GSE1: variants seen among roughly 807,000 people sequenced by gnomAD.
GSE1 encodes genetic suppressor element 1.
Under a neutral mutation model 112.6 loss-of-function variants are expected in GSE1, and 32 were observed. The ratio of observed to expected loss-of-function variants is 0.28; its 90% CI spans 0.21 to 0.38. The LOEUF is 0.38. Ranked by LOEUF, GSE1 falls within the 10% of genes least tolerant of loss-of-function variation. The probability of loss-of-function intolerance (pLI) is 1.00; values close to 1 mark genes in which losing one functional copy is unlikely to be tolerated. For synonymous variants in GSE1, 1,115 were observed against 735.6 expected (o/e 1.52, Z -8.35); for missense variants, 2,348 against 1,699.2 (o/e 1.38, Z -6.71).
At chr16:85,364,659 C>T (rs1306617918) in intron 2 of GSE1, among the ~76,000 whole-genome samples, 2 of 152,098 alleles carry the variant, frequency 1.3e-5, no homozygotes, top group African/African-American at 2.4e-5. Flanking sequence ...CCAGCGGGCA[C>T]GGGCAACAGA....
chr16:85,606,554 G>T (rs1031109590), upstream of GSE1, among the ~76,000 whole-genome samples: 1 of 152,234 alleles, frequency 6.6e-6, no homozygotes, highest in African/African-American at 2.4e-5. Flanking sequence ...TTGCCACTGA[G>T]TCTGCCCGTC....
upstream of GSE1, chr16:85,555,303 GCCAGAGC>G: frequency 2.0e-6 from 2 of 984,990 alleles, no homozygotes; most frequent in Non-Finnish European, 2.4e-6. Context: ...CTGCCCAGGC[GCCAGAGC>G]CCCCGCGAGT....
At chr16:85,390,925 G>A (rs2047825556) in intron 2 of GSE1, among the ~76,000 whole-genome samples, 1 of 152,236 alleles carries the variant, frequency 6.6e-6, no homozygotes, top group Non-Finnish European at 1.5e-5. Flanking sequence ...TCTGGGCAGG[G>A]CTGAGCAGAG....
rs77309942 is a variant in GSE1 at position 85,203,625 on chromosome 16, T to C, written c.2283+31818T>C. On this transcript the variant is annotated intron_variant, in intron 1 of 2. Transcript: ENST00000637419. ...CAGATAGGCAGCCAAGGCCAAGCAG[T>C]GGGATTTCCTTTGTGCAGCTGCTTT... Among the ~76,000 whole-genome samples the C allele has an allele frequency of 8.1e-3, 1,235 of 152,294 alleles. 16 individuals carry two copies. Among genetic ancestry groups the C allele is most frequent in the African/African-American group, 0.029 (1,197 of 41,564 alleles).
At chr16:85,535,884 C>T (rs2044309431) in intron 2 of GSE1, among the ~76,000 whole-genome samples, 1 of 152,274 alleles carries the variant, frequency 6.6e-6, no homozygotes, top group South Asian at 2.1e-4. Flanking sequence ...CTACCTCTAC[C>T]TCATGTGGTC....
rs60595401 is a variant in GSE1 at position 85,248,521 on chromosome 16, C to CCT, written c.2283+76733_2283+76734dup. Among the ~76,000 whole-genome samples the CCT allele has an allele frequency of 3.0e-3, 453 of 149,130 alleles. 4 individuals are homozygous for CCT. The highest frequency in any genetic ancestry group is 0.023 in the South Asian group (107 of 4,664). On this transcript the variant is annotated intron_variant, in intron 1 of 2. Coordinates refer to the GSE1 transcript ENST00000637419. ...TTCTCTGCCTCTTCCTCCCTCTTTG[C>CCT]CTCTCTCTCTCTCTCTCTCTGAGCA...
intron 1 of GSE1, among the ~76,000 whole-genome samples, chr16:85,569,641 G>A (rs890593795): frequency 1.3e-5 from 2 of 152,198 alleles, no homozygotes; most frequent in South Asian, 2.1e-4. Flanking sequence ...AAGCTCCAGC[G>A]CAGGACCTCC....
chr16:85,244,543 G>T (rs989521858), intron 1 of GSE1, among the ~76,000 whole-genome samples: 4 of 152,146 alleles, frequency 2.6e-5, no homozygotes, highest in African/African-American at 7.2e-5. Flanking sequence ...CACAGGAAAT[G>T]AATGCAACTA....
intron 1 of GSE1, among the ~76,000 whole-genome samples, chr16:85,576,001 C>T (rs868180080): frequency 5.3e-5 from 8 of 150,718 alleles, no homozygotes; most frequent in East Asian, 2.0e-4. Context: ...AGAGCAGTGA[C>T]GGGGGAGTAT....
rs527641917 is a variant in GSE1, at chr16:85,601,883, G to C, written c.37+45520G>C. 1.4e-4 allele frequency among the ~76,000 whole-genome samples: 21 copies of C among 152,334 alleles called. 1 individual carries two copies. The highest frequency in any genetic ancestry group is 4.6e-4 in the African/African-American group (19 of 41,568). ...TCTGTCTGCGTGCATCGCTTGTCGAGCCCGCGAGTGATAAAGGCAACTGGG... is the reference window on the plus strand; with the variant it reads ...TCTGTCTGCGTGCATCGCTTGTCGACCCCGCGAGTGATAAAGGCAACTGGG... On this transcript the variant is annotated intron_variant, in intron 1 of 2. Coordinates refer to the GSE1 transcript ENST00000635906.
chr16:85,454,442 C>T (rs2049769159), intron 2 of GSE1, among the ~76,000 whole-genome samples: 1 of 152,232 alleles, frequency 6.6e-6, no homozygotes, highest in South Asian at 2.1e-4. Flanking sequence ...GCCTTAGTTT[C>T]CCCTGCTGAG....
intron 13 of GSE1, 142 bp downstream of exon 13, chr16:85,666,489 A>C (rs574245234): frequency 2.6e-6 from 2 of 758,644 alleles, no homozygotes; most frequent in East Asian, 5.2e-5. Context: ...TAATTTCGTT[A>C]TTATGCCAAA....
intron 1 of GSE1, among the ~76,000 whole-genome samples, chr16:85,307,521 A>G (rs2151474076): frequency 6.6e-6 from 1 of 152,338 alleles, no homozygotes; most frequent in Non-Finnish European, 1.5e-5. Flanking sequence ...GGGTGAGCCC[A>G]GGAGGGTTCC....
intron 2 of GSE1, among the ~76,000 whole-genome samples, chr16:85,478,752 C>G (rs1230052942): frequency 1.3e-5 from 2 of 151,284 alleles, no homozygotes; most frequent in East Asian, 4.0e-4. Context: ...ACTGCAACCT[C>G]TGCCTCCCAA....
intron 1 of GSE1, among the ~76,000 whole-genome samples, chr16:85,596,581 C>G (rs573743278): frequency 6.6e-6 from 1 of 152,178 alleles, no homozygotes; most frequent in Non-Finnish European, 1.5e-5. Context: ...ATTATGCTGC[C>G]CAATACAGTA....
chr16:85,432,357 C>T (rs2049142352), intron 2 of GSE1, among the ~76,000 whole-genome samples: 1 of 152,246 alleles, frequency 6.6e-6, no homozygotes. Context: ...ACCTCCTCCC[C>T]AGAGGTGGGA....
intron 1 of GSE1, among the ~76,000 whole-genome samples, chr16:85,626,772 G>GCGGGAGGCCGGGAGGC (rs368834236): frequency 6.6e-6 from 1 of 152,132 alleles, no homozygotes; most frequent in African/African-American, 2.4e-5. Flanking sequence ...TACGGGATCC[G>GCGGGAGGCCGGGAGGC]CGGGAGGCCG....
At chr16:85,656,709 C>G (rs1567738280) in intron 7 of GSE1, 44 bp downstream of exon 7, 5 of 1,450,540 alleles carry the variant, frequency 3.4e-6, no homozygotes, top group Non-Finnish European at 4.5e-6. Context: ...GTCTCAGCCA[C>G]CCGCGGGGAG....
upstream of GSE1, among the ~76,000 whole-genome samples, chr16:85,554,028 C>T (rs2045070959): frequency 6.6e-6 from 1 of 152,180 alleles, no homozygotes. Flanking sequence ...TATCTGGGGT[C>T]AAAAGGTGAC....
Sources: allele counts gnomAD v4.1 joint callset (sites outside exome capture counted in the v4.1 genomes callset), GRCh38; gene constraint gnomAD v4.1.1; transcripts MANE v1.5; gene names NCBI Gene and HGNC (gene_info 2026-07-23, HGNC 2026-07-21).